The following CNTNAP4 variants were observed in gnomAD, a reference collection of about 807,000 sequenced individuals.
The protein encoded by CNTNAP4 is contactin-associated protein-like 4.
Under a neutral mutation model 148.4 loss-of-function variants are expected in CNTNAP4, and 98 were observed. That is an observed-to-expected ratio of 0.66 (90% CI 0.56 to 0.78). CNTNAP4 has a LOEUF of 0.78. CNTNAP4 is among the 30% of genes least tolerant of loss of function. The pLI, the probability that CNTNAP4 is intolerant of heterozygous loss-of-function variation, is 0.00. For synonymous variants in CNTNAP4, 730 were observed against 565.1 expected, an observed-to-expected ratio of 1.29 and a Z score of -4.14; for missense variants, 1,935 against 1,565.6, an observed-to-expected ratio of 1.24 and a Z score of -3.98.
rs981317919 is a variant in CNTNAP4 at position 76,395,064 on chromosome 16, C to T, written c.391-32388C>T. Among the ~76,000 whole-genome samples, 7 of 152,020 alleles carry T rather than the reference C, an allele frequency of 4.6e-5. No individual in the cohort carries two copies. The South Asian group carries it at 1.2e-3, about 27-fold the overall frequency. On this transcript the variant is annotated intron_variant, in intron 3 of 23. Transcript: ENST00000611870. The stretch of plus-strand genomic sequence containing the variant: ...TTCAGACAAAATTGTATGTTTGAAA[C>T]GGTTTACTTCTGATGGCAAAACGTG...
chr16:76,305,717 G>A (rs911897056), intron 1 of CNTNAP4, among the ~76,000 whole-genome samples: 1 of 152,024 alleles, frequency 6.6e-6, no homozygotes, highest in African/African-American at 2.4e-5. Context: ...TTAGATACAG[G>A]GGGTACATGT....
At chr16:76,410,090 G>C (rs1361202882) in intron 3 of CNTNAP4, among the ~76,000 whole-genome samples, 5 of 142,834 alleles carry the variant, frequency 3.5e-5, no homozygotes, top group Middle Eastern at 7.1e-3. Flanking sequence ...TCTTTTAAGA[G>C]CCAGGATTGT....
intron 3 of CNTNAP4, among the ~76,000 whole-genome samples, chr16:76,407,164 T>G (rs1412111477): frequency 1.3e-5 from 2 of 152,056 alleles, no homozygotes; most frequent in African/African-American, 4.8e-5. Flanking sequence ...GCTAAATTCT[T>G]CTCTGTAAAG....
chr16:76,554,015 A>G (rs1410455646), intron 23 of CNTNAP4, 108 bp downstream of exon 23: 4 of 671,182 alleles, frequency 6.0e-6, no homozygotes, highest in Non-Finnish European at 1.0e-5. Flanking sequence ...TCCAAGTGCC[A>G]GGCACTGAAT....
intron 15 of CNTNAP4, among the ~76,000 whole-genome samples, chr16:76,499,639 G>C (rs1394940304): frequency 2.6e-4 from 39 of 148,684 alleles, no homozygotes; most frequent in Admixed American, 5.4e-4. Flanking sequence ...GGACAATAGT[G>C]GAGGGAAGGT....
At chr16:76,327,295 C>T (rs1963087919) in intron 2 of CNTNAP4, among the ~76,000 whole-genome samples, 1 of 152,184 alleles carries the variant, frequency 6.6e-6, no homozygotes. Flanking sequence ...TACAAGATAA[C>T]ATGTGGTATT....
At chr16:76,545,867 C>G (rs1054089297) in intron 21 of CNTNAP4, among the ~76,000 whole-genome samples, 1 of 152,036 alleles carries the variant, frequency 6.6e-6, no homozygotes, top group Non-Finnish European at 1.5e-5. Flanking sequence ...GAAGCCCCAT[C>G]TCTACTAAAA....
chr16:76,548,677 C>T (rs527376941), intron 21 of CNTNAP4, among the ~76,000 whole-genome samples: 2 of 151,984 alleles, frequency 1.3e-5, no homozygotes, highest in East Asian at 2.0e-4. Context: ...CCCAGAAATC[C>T]GAGTCAGTTA....
chr16:76,447,491 T>C (rs1389475173), intron 4 of CNTNAP4, among the ~76,000 whole-genome samples: 1 of 152,126 alleles, frequency 6.6e-6, no homozygotes, highest in African/African-American at 2.4e-5. Flanking sequence ...TTGGTGGTCA[T>C]ATTTTCCCTT....
Position 76,519,054 on chromosome 16 carries a change from A to T in CNTNAP4, c.2366-2086A>T, listed in dbSNP as rs189576411. 1.7e-4 allele frequency among the ~76,000 whole-genome samples: 26 copies of T among 152,230 alleles called. No individual in the cohort carries two copies. In the Middle Eastern group the frequency reaches 0.01, roughly 60 times the overall value. On this transcript the variant is annotated intron_variant, in intron 15 of 23. Transcript: ENST00000611870. ...CAGATTCTGGTGGGTGTCTCTTAGC[A>T]CAGGGGGTAAAGGGCTGGGATACCA... is the stretch of plus-strand genomic sequence containing the variant.
intron 3 of CNTNAP4, among the ~76,000 whole-genome samples, chr16:76,393,899 A>C (rs1168248240): frequency 3.3e-5 from 5 of 152,330 alleles, no homozygotes; most frequent in Non-Finnish European, 5.9e-5. Flanking sequence ...TCAGAGAAAA[A>C]TATAGTCAAC....
At chr16:76,492,485 A>G (rs1447081879) in intron 13 of CNTNAP4, among the ~76,000 whole-genome samples, 2 of 151,804 alleles carry the variant, frequency 1.3e-5, no homozygotes, top group African/African-American at 4.8e-5. Context: ...AGAACCAGAA[A>G]GCAAAATCCC....
At chr16:76,435,670 T>C (rs1429563449) in intron 4 of CNTNAP4, among the ~76,000 whole-genome samples, 1 of 152,122 alleles carries the variant, frequency 6.6e-6, no homozygotes, top group African/African-American at 2.4e-5. Flanking sequence ...ACTAATCTAC[T>C]CCACCATCCC....
intron 2 of CNTNAP4, among the ~76,000 whole-genome samples, chr16:76,349,503 G>T (rs1339792176): frequency 6.6e-6 from 1 of 152,096 alleles, no homozygotes; most frequent in African/African-American, 2.4e-5. Context: ...GTGGCCTGGG[G>T]ACACGGCACA....
chr16:76,316,479 C>T lies in CNTNAP4; in HGVS notation c.152C>T (p.Ser51Phe). 1 of 1,613,840 alleles carries T rather than the reference C, an allele frequency of 6.2e-7. No homozygotes were observed. The highest frequency in any genetic ancestry group is 8.5e-7 in the Non-Finnish European group (1 of 1,179,808). The change falls in exon 2 of 24, where the codon TCC (serine) becomes TTC (phenylalanine). Residue 51 changes from serine (S) to phenylalanine (F), a missense_variant. By Grantham distance (155) the Ser-to-Phe change is radical. Coordinates refer to ENST00000611870, the MANE Select transcript of CNTNAP4 (RefSeq NM_033401.5). Reference sequence around the variant, plus strand: ...TCCTTCAGCAGTTCTTCCGAGCTCTCCAGCAGTCATGGTCCTGGATTTGCA... The same window carrying T: ...TCCTTCAGCAGTTCTTCCGAGCTCTTCAGCAGTCATGGTCCTGGATTTGCA... ...QASFSSSSEL[S>F]SSHGPGFARL...
chr16:76,549,010 C>G (rs1276968878), intron 21 of CNTNAP4, among the ~76,000 whole-genome samples: 1 of 152,038 alleles, frequency 6.6e-6, no homozygotes, highest in Non-Finnish European at 1.5e-5. Context: ...CCTCCACTTC[C>G]GATTCGAATT....
In CNTNAP4 at chr16:76,288,854, G is replaced by T. The variant is rs551970417; in HGVS notation, c.85+11107G>T. The stretch of plus-strand genomic sequence containing the variant: ...CAGGCTAGACAAATTGGAAAATTGT[G>T]TTATTTTGGTGATTTAAACGTCCTT... On this transcript the variant is annotated intron_variant, in intron 1 of 23. Transcript: ENST00000611870. 3.3e-5 allele frequency among the ~76,000 whole-genome samples: 5 copies of T among 152,126 alleles called. No homozygotes were observed. The East Asian group carries it at 9.7e-4, about 29-fold the overall frequency.
chr16:76,419,619 C>G (rs572099146), intron 3 of CNTNAP4, among the ~76,000 whole-genome samples: 26 of 152,124 alleles, frequency 1.7e-4, no homozygotes, highest in Admixed American at 1.4e-3. Flanking sequence ...TGGATCTCAG[C>G]TCTGACTCTT....
chr16:76,290,877 G>A (rs566672549), intron 1 of CNTNAP4, among the ~76,000 whole-genome samples: 3 of 152,170 alleles, frequency 2.0e-5, no homozygotes, highest in Non-Finnish European at 2.9e-5. Flanking sequence ...TGCCATCTAG[G>A]TTGGTTTTTG....
Sources: gnomAD v4.1 joint callset for allele counts (sites outside exome capture counted in the v4.1 genomes callset) on GRCh38, gnomAD v4.1.1 for gene constraint, MANE v1.5 for transcripts, NCBI Gene and HGNC (gene_info 2026-07-23, HGNC 2026-07-21) for gene names.